The following WDFY3 variants were observed in gnomAD, a reference collection of about 807,000 sequenced individuals.
WDFY3 encodes WD repeat and FYVE domain containing 3.
In WDFY3, 66 loss-of-function variants were observed where a neutral mutation model predicts 409.6. That is an observed-to-expected ratio of 0.16 (90% CI 0.13 to 0.20). The LOEUF (loss-of-function observed/expected upper bound fraction) is 0.20. Ranked by LOEUF, WDFY3 falls within the 10% of genes least tolerant of loss-of-function variation. The pLI is 1.00. For synonymous variants in WDFY3, 1,521 were observed against 1,537.1 expected, an observed-to-expected ratio of 0.99 and a Z score of 0.25; for missense variants, 3,031 against 4,298.1, an observed-to-expected ratio of 0.71 and a Z score of 8.24.
At chr4:84,919,764 C>A (rs1432032806) in intron 2 of WDFY3, among the ~76,000 whole-genome samples, 1 of 152,134 alleles carries the variant, frequency 6.6e-6, no homozygotes, top group African/African-American at 2.4e-5. Context: ...GGCCTCCCAG[C>A]CATGTGGAAC....
At chr4:84,697,933 T>C (rs1730399148) in intron 56 of WDFY3, among the ~76,000 whole-genome samples, 1 of 152,232 alleles carries the variant, frequency 6.6e-6, no homozygotes, top group South Asian at 2.1e-4. Flanking sequence ...TATCGAGTGG[T>C]ACAAATATCA....
intron 37 of WDFY3, 93 bp downstream of exon 37, chr4:84,743,607 A>G: frequency 1.1e-6 from 1 of 941,340 alleles, no homozygotes; most frequent in Non-Finnish European, 1.5e-6. Flanking sequence ...CAAAAAAGGA[A>G]AGAAAAAAGC....
chr4:84,736,103 C>A, intron 42 of WDFY3, 67 bp downstream of exon 42: 1 of 1,458,766 alleles, frequency 6.9e-7, no homozygotes, highest in Non-Finnish European at 9.1e-7. Context: ...CAATCAATTG[C>A]TTGTACATGT....
intron 25 of WDFY3, 44 bp from the exon 26 acceptor site, chr4:84,780,342 G>A (rs755127541): frequency 6.4e-7 from 1 of 1,561,636 alleles, no homozygotes; most frequent in Non-Finnish European, 8.7e-7. Context: ...AATTCCCCAT[G>A]TGAACAAGAA....
intron 12 of WDFY3, among the ~76,000 whole-genome samples, chr4:84,818,867 T>A (rs1291119942): frequency 6.6e-6 from 1 of 152,142 alleles, no homozygotes; most frequent in Non-Finnish European, 1.5e-5. Context: ...CTTTTAGTCG[T>A]GCAGAGTAAG....
At chr4:84,893,669 A>G (rs1160679378) in intron 3 of WDFY3, among the ~76,000 whole-genome samples, 2 of 152,176 alleles carry the variant, frequency 1.3e-5, no homozygotes, top group Non-Finnish European at 2.9e-5. Context: ...CTAGACTACC[A>G]ACATCTACAG....
intron 37 of WDFY3, among the ~76,000 whole-genome samples, chr4:84,742,478 A>G (rs1738612626): frequency 6.6e-6 from 1 of 152,100 alleles, no homozygotes; most frequent in Non-Finnish European, 1.5e-5. Context: ...TGTGTTTGCC[A>G]TATACATATT....
At chr4:84,767,124 C>A (rs997281377) in intron 30 of WDFY3, among the ~76,000 whole-genome samples, 2 of 150,196 alleles carry the variant, frequency 1.3e-5, no homozygotes, top group Non-Finnish European at 3.0e-5. Flanking sequence ...TTTTTTTTTT[C>A]AAAAGCATGT....
chr4:84,890,178 C>T (rs1764751222), intron 3 of WDFY3, among the ~76,000 whole-genome samples: 1 of 152,110 alleles, frequency 6.6e-6, no homozygotes, highest in Non-Finnish European at 1.5e-5. Context: ...TGGCTCACTT[C>T]ATCCTCAATC....
At chr4:84,747,600 T>C (rs568447317) in intron 36 of WDFY3, among the ~76,000 whole-genome samples, 3 of 152,286 alleles carry the variant, frequency 2.0e-5, no homozygotes, top group Admixed American at 6.5e-5. Context: ...TCTTGAATTG[T>C]AGCTCCCATA....
intron 44 of WDFY3, among the ~76,000 whole-genome samples, chr4:84,730,394 TAG>T (rs750539615): frequency 3.5e-4 from 54 of 152,216 alleles, no homozygotes; most frequent in Admixed American, 2.6e-4. Context: ...TTGTTAGCAC[TAG>T]AGAGATAAAA....
At chr4:84,807,991 A>T (rs1300184504) in intron 15 of WDFY3, among the ~76,000 whole-genome samples, 1 of 152,146 alleles carries the variant, frequency 6.6e-6, no homozygotes, top group African/African-American at 2.4e-5. Context: ...AAAGTGGAAA[A>T]GTATTCTACT....
chr4:84,709,154 A>G (rs1732477918), intron 52 of WDFY3, 126 bp from the exon 53 acceptor site: 5 of 1,429,780 alleles, frequency 3.5e-6, no homozygotes, highest in Non-Finnish European at 3.8e-6. Flanking sequence ...ACAATGAAAT[A>G]CTTTTTTTTC....
intron 2 of WDFY3, among the ~76,000 whole-genome samples, chr4:84,917,079 T>C (rs1161167955): frequency 6.6e-6 from 1 of 152,180 alleles, no homozygotes; most frequent in Admixed American, 6.5e-5. Flanking sequence ...GATATCTTTT[T>C]CGTGTGTGTG....
intron 30 of WDFY3, among the ~76,000 whole-genome samples, chr4:84,771,454 T>G (rs1369351545): frequency 6.6e-6 from 1 of 152,238 alleles, no homozygotes; most frequent in Non-Finnish European, 1.5e-5. Flanking sequence ...TTTTTTATAC[T>G]TGAAATAAAT....
At position 84,794,972 on chromosome 4, in the gene WDFY3, A is replaced by C. The variant is rs1019750361; in HGVS notation, c.3175T>G (p.Phe1059Val). 6.4e-7 allele frequency: 1 copy of C among 1,550,508 alleles called. No homozygotes were observed. The highest frequency in any genetic ancestry group is 8.7e-7 in the Non-Finnish European group (1 of 1,154,826). The change falls in exon 20 of 68, where the codon TTT becomes GTT. Residue 1059 changes from phenylalanine (F) to valine (V), a missense_variant. Phe to Val is a conservative substitution (Grantham distance 50, BLOSUM62 -1). Transcript: ENST00000295888. Reference protein sequence around the residue: ...DTSLEGFGCLFLPSLAPHNAP... With the variant: ...DTSLEGFGCLVLPSLAPHNAP... Reference sequence around the variant, plus strand: ...TTATGAGGGGCCAAACTGGGCAAAAAAAGACATCTATTAAAGAAAAGACAA... The same window carrying C: ...TTATGAGGGGCCAAACTGGGCAAAACAAGACATCTATTAAAGAAAAGACAA...
chr4:84,675,432 T>G (rs1245763888), intron 67 of WDFY3, among the ~76,000 whole-genome samples: 1 of 152,182 alleles, frequency 6.6e-6, no homozygotes, highest in East Asian at 1.9e-4. Flanking sequence ...GAACACCTGT[T>G]TTGCCAGACT....
At chr4:84,883,174 T>G (rs531600454) in intron 3 of WDFY3, among the ~76,000 whole-genome samples, 14 of 152,328 alleles carry the variant, frequency 9.2e-5, no homozygotes, top group Non-Finnish European at 1.8e-4. Flanking sequence ...TATCAAAATG[T>G]AAGAATGATT....
At chr4:84,726,788 T>TAAAA in intron 45 of WDFY3, 73 bp downstream of exon 45, 1 of 1,251,466 alleles carries the variant, frequency 8.0e-7, no homozygotes, top group Non-Finnish European at 1.1e-6. Flanking sequence ...ACCATGCACT[T>TAAAA]AAAAAAAAAA....
Sources: allele counts gnomAD v4.1 joint callset (sites outside exome capture counted in the v4.1 genomes callset), GRCh38; gene constraint gnomAD v4.1.1; transcripts MANE v1.5; gene names NCBI Gene and HGNC (gene_info 2026-07-23, HGNC 2026-07-21).